Variants in ANO10 observed in about 807,000 individuals in gnomAD.
ANO10 encodes anoctamin 10.
In ANO10, 77 loss-of-function variants were observed where a neutral mutation model predicts 74.7. The observed-to-expected ratio is 1.03, with a 90% CI of 0.86 to 1.25. ANO10 has a LOEUF of 1.25. ANO10 is among the 50% of genes most tolerant of loss of function. The probability of loss-of-function intolerance (pLI) is 0.00; values close to 1 mark genes in which losing one functional copy is unlikely to be tolerated. For synonymous variants in ANO10, 279 were observed against 284.9 expected (o/e 0.98, Z 0.21); for missense variants, 721 against 778.1 (o/e 0.93, Z 0.87).
rs2082356265 is a variant in ANO10 at position 43,602,015 on chromosome 3, C to T, written c.140-1434G>A. 2.6e-5 allele frequency among the ~76,000 whole-genome samples: 4 copies of T among 152,310 alleles called. No homozygotes were observed. In the South Asian group the frequency reaches 8.3e-4, roughly 32 times the overall value. ...CTGAAACAAGGCCATTCCTGCACAA[C>T]GTTAAGTTTCCTTTAAAGGGCAACT... On this transcript the variant is annotated intron_variant, in intron 2 of 12. Transcript: ENST00000292246.
intron 1 of ANO10, chr3:43,690,066 T>C (rs1442012814): frequency 1.3e-5 from 2 of 152,326 alleles, no homozygotes; most frequent in African/African-American, 2.4e-5. Context: ...TAGACTTTTT[T>C]TTTTTTTTTT....
At chr3:43,653,894 A>G (rs1450928926) in intron 1 of ANO10, among the ~76,000 whole-genome samples, 1 of 150,722 alleles carries the variant, frequency 6.6e-6, no homozygotes, top group African/African-American at 2.4e-5. Context: ...CACTTAATAC[A>G]TGTCAGTGAG....
chr3:43,552,066 T>C (rs1257046894), intron 10 of ANO10, among the ~76,000 whole-genome samples: 1 of 152,256 alleles, frequency 6.6e-6, no homozygotes, highest in Non-Finnish European at 1.5e-5. Flanking sequence ...TTGGTTTATC[T>C]ATAATGTTCC....
At chr3:43,512,133 T>G (rs906279619) in intron 11 of ANO10, among the ~76,000 whole-genome samples, 2 of 152,148 alleles carry the variant, frequency 1.3e-5, no homozygotes, top group African/African-American at 2.4e-5. Context: ...CCATGATCTC[T>G]CACTATGTCA....
intron 1 of ANO10, among the ~76,000 whole-genome samples, chr3:43,633,197 G>A (rs1356216080): frequency 6.6e-6 from 1 of 152,040 alleles, no homozygotes; most frequent in African/African-American, 2.4e-5. Flanking sequence ...TGCGGTTTTT[G>A]CCATTGAGAG....
At chr3:43,371,164 C>G (rs1379793287) in intron 12 of ANO10, among the ~76,000 whole-genome samples, 1 of 152,164 alleles carries the variant, frequency 6.6e-6, no homozygotes, top group Non-Finnish European at 1.5e-5. Context: ...CTTCTCACCC[C>G]TGCCCCCCGT....
intron 11 of ANO10, among the ~76,000 whole-genome samples, chr3:43,543,452 G>A (rs1383535553): frequency 6.6e-6 from 1 of 152,098 alleles, no homozygotes; most frequent in Non-Finnish European, 1.5e-5. Context: ...TGCAGTGGCC[G>A]GATCTCAGCT....
chr3:43,617,576 C>T (rs575183016), intron 1 of ANO10, among the ~76,000 whole-genome samples: 1 of 152,188 alleles, frequency 6.6e-6, no homozygotes, highest in South Asian at 2.1e-4. Flanking sequence ...TAAAGTCTGA[C>T]CATTGTGGTC....
chr3:43,557,598 G>A (rs2079815506), intron 9 of ANO10, among the ~76,000 whole-genome samples: 2 of 151,844 alleles, frequency 1.3e-5, no homozygotes, highest in African/African-American at 2.4e-5. Flanking sequence ...AGCCGGGCAT[G>A]GTGGCAGGCA....
rs2081055469 is a variant in ANO10 at position 43,577,242 on chromosome 3, A to G, written c.612T>C (p.Phe204=). 1.2e-6 allele frequency: 2 copies of G among 1,613,982 alleles called. No homozygotes were observed. Among genetic ancestry groups the G allele is most frequent in the Non-Finnish European group, 1.7e-6 (2 of 1,180,022 alleles). The change falls in exon 6 of 13, where the codon TTT becomes TTC. Residue 204 remains phenylalanine (F), a synonymous_variant. Coordinates refer to ENST00000292246, the MANE Select transcript of ANO10 (RefSeq NM_018075.5). ...YQPIDSIRGY[F]GETIALYFGF... The stretch of plus-strand genomic sequence containing the variant: ...CAAAGTACAGAGCAATTGTTTCCCC[A>G]AAGTAGCCACGAATACTGTCTATAG...
chr3:43,492,034 G>A (rs1190920977), intron 11 of ANO10, among the ~76,000 whole-genome samples: 1 of 152,060 alleles, frequency 6.6e-6, no homozygotes, highest in Admixed American at 6.6e-5. Flanking sequence ...AAGACCAAAG[G>A]TAGATAAAAC....
intron 9 of ANO10, among the ~76,000 whole-genome samples, chr3:43,555,887 G>T (rs2079723256): frequency 6.6e-6 from 1 of 152,160 alleles, no homozygotes; most frequent in Non-Finnish European, 1.5e-5. Flanking sequence ...TATTGGGAAT[G>T]GCAAAAGGTG....
At chr3:43,506,013 G>A (rs1205493171) in intron 11 of ANO10, among the ~76,000 whole-genome samples, 1 of 152,084 alleles carries the variant, frequency 6.6e-6, no homozygotes, top group Non-Finnish European at 1.5e-5. Flanking sequence ...TTCCGATGAT[G>A]AATAAAATAT....
At chr3:43,515,729 C>G (rs1164372613) in intron 11 of ANO10, among the ~76,000 whole-genome samples, 1 of 152,154 alleles carries the variant, frequency 6.6e-6, no homozygotes, top group Non-Finnish European at 1.5e-5. Context: ...AAGCTATAAT[C>G]TAGCCCTAGA....
chr3:43,504,041 G>A (rs1195905088), intron 11 of ANO10, among the ~76,000 whole-genome samples: 2 of 152,022 alleles, frequency 1.3e-5, no homozygotes, highest in South Asian at 4.2e-4. Context: ...AGGCCAAGGC[G>A]GTGGATCACC....
chr3:43,506,665 A>G (rs981946641), intron 11 of ANO10, among the ~76,000 whole-genome samples: 2 of 151,862 alleles, frequency 1.3e-5, no homozygotes, highest in Admixed American at 1.3e-4. Context: ...GCCCAGGCCC[A>G]CCCCTGGGCC....
chr3:43,691,014 G>C (rs376333756), intron 1 of ANO10: 1 of 1,568,398 alleles, frequency 6.4e-7, no homozygotes, highest in Non-Finnish European at 8.6e-7. Flanking sequence ...GGAGGAGGAG[G>C]TGGACTCTGC....
intron 11 of ANO10, among the ~76,000 whole-genome samples, chr3:43,476,897 C>A (rs2076086378): frequency 6.6e-6 from 1 of 152,132 alleles, no homozygotes; most frequent in African/African-American, 2.4e-5. Flanking sequence ...ATTTGCCGAT[C>A]AATAAGTAAT....
intron 11 of ANO10, among the ~76,000 whole-genome samples, chr3:43,449,493 G>GTA (rs2074749470): frequency 7.0e-6 from 1 of 141,900 alleles, no homozygotes; most frequent in South Asian, 2.3e-4. Context: ...TTTGTTAAAG[G>GTA]TATAAGGTCC....
Sources: allele counts gnomAD v4.1 joint callset (sites outside exome capture counted in the v4.1 genomes callset), GRCh38; gene constraint gnomAD v4.1.1; transcripts MANE v1.5; gene names NCBI Gene and HGNC (gene_info 2026-07-23, HGNC 2026-07-21).